The following CUL4A variants were observed in gnomAD, a reference collection of about 807,000 sequenced individuals.
The protein encoded by CUL4A is cullin 4A.
CUL4A carries 16 observed loss-of-function variants against 95.5 expected under a neutral mutation model. The observed-to-expected ratio is 0.17, with a 90% CI of 0.11 to 0.25. The LOEUF is 0.25. Ranked by LOEUF, CUL4A falls within the 10% of genes least tolerant of loss-of-function variation. The pLI, the probability that CUL4A is intolerant of heterozygous loss-of-function variation, is 1.00. For missense variants in CUL4A, 610 were observed against 937.0 expected (o/e 0.65, Z 4.56); for synonymous variants, 380 against 353.1 (o/e 1.08, Z -0.85).
intron 3 of CUL4A, among the ~76,000 whole-genome samples, chr13:113,220,551 T>G (rs2040859031): frequency 6.6e-6 from 1 of 152,192 alleles, no homozygotes; most frequent in Non-Finnish European, 1.5e-5. Flanking sequence ...GCGGCCTGAC[T>G]CCTAGGCTTG....
chr13:113,233,603 T>C (rs2041437515), intron 6 of CUL4A, among the ~76,000 whole-genome samples: 1 of 152,026 alleles, frequency 6.6e-6, no homozygotes, highest in South Asian at 2.1e-4. Context: ...TCATGGAAAA[T>C]ATAAACAGAG....
chr13:113,214,056 G>C (rs1450059995), intron 2 of CUL4A, among the ~76,000 whole-genome samples: 1 of 152,218 alleles, frequency 6.6e-6, no homozygotes, highest in African/African-American at 2.4e-5. Context: ...TATAGGTGGG[G>C]TGGTGTATAC....
Position 113,209,621 on chromosome 13 carries a change from C to T in CUL4A, c.-7C>T, listed in dbSNP as rs1355736823. The T allele has an allele frequency of 3.8e-6, 4 of 1,057,350 alleles. No individual in the cohort carries two copies. The highest frequency in any genetic ancestry group is 1.7e-5 in the African/African-American group (1 of 58,148). The allele number at this position is 1,057,350 out of a possible 1,614,324, so 65.5% of individuals were successfully genotyped here. ...TCGGGGCGGGGCGCGGCGGTTCCGG[C>T]CCAGCCATGGCGGACGAGGCCCCGC... On this transcript the variant is annotated 5_prime_UTR_variant, in exon 1 of 20. Transcript: ENST00000375440.
chr13:113,256,323 G>GCACTAACATTCCTC (rs2042119359), intron 18 of CUL4A, among the ~76,000 whole-genome samples: 2 of 152,190 alleles, frequency 1.3e-5, no homozygotes, highest in Non-Finnish European at 2.9e-5. Context: ...TCGGCCACAG[G>GCACTAACATTCCTC]CACTAACATT....
At chr13:113,208,640 C>CG (rs1174284746), upstream of CUL4A, 1 of 1,605,946 alleles carries the variant, frequency 6.2e-7, no homozygotes, top group Non-Finnish European at 8.5e-7. Flanking sequence ...GCCATGGGAG[C>CG]GCCGCCGAAC....
In CUL4A at chr13:113,244,426, A is replaced by C. The variant is rs370618224; in HGVS notation, c.1245A>C (p.Ser415=). Residue 415 remains serine, a synonymous_variant, in exon 12 of 20, where the codon TCA becomes TCC. Coordinates refer to ENST00000375440, the MANE Select transcript of CUL4A (RefSeq NM_001008895.4). The part of the protein sequence containing the change: ...PAELIAKHVD[S]KLRAGNKEAT... The stretch of plus-strand genomic sequence containing the variant: ...TGCTCACAGCAAAGCATGTGGATTC[A>C]AAGTTAAGAGCAGGCAACAAAGAAG... 6.2e-7 allele frequency: 1 copy of C among 1,613,406 alleles called. No individual in the cohort carries two copies. The highest frequency in any genetic ancestry group is 8.5e-7 in the Non-Finnish European group (1 of 1,179,644).
intron 15 of CUL4A, among the ~76,000 whole-genome samples, chr13:113,252,251 A>C (rs12869403): frequency 0.019 from 2,897 of 152,278 alleles, 45 homozygotes; most frequent in Non-Finnish European, 0.03. Context: ...GGAAAATGTA[A>C]GAAATTCACT....
At chr13:113,229,662 G>C in intron 5 of CUL4A, 143 bp downstream of exon 5, 1 of 676,978 alleles carries the variant, frequency 1.5e-6, no homozygotes, top group African/African-American at 1.8e-5. Flanking sequence ...TAACGTGAAC[G>C]TAGGAGTCCA....
At position 113,228,036 on chromosome 13, in the gene CUL4A, C is replaced by G. The variant is rs780743841; in HGVS notation, c.429C>G (p.Cys143Trp). ...KKINTCWQDH[C>W]RQMIMIRSIF... is the part of the protein sequence containing the mutation. ...TTAACACGTGCTGGCAGGACCACTG[C>G]AGACAAATGGTAAGCTTGTTCACTT... Residue 143 changes from cysteine to tryptophan, a missense_variant, in exon 4 of 20, where the codon TGC becomes TGG. Around this residue, in one of 10 missense-constraint regions of CUL4A, gnomAD observed 168 missense variants for 185.5 expected, o/e 0.91. Transcript: ENST00000375440. The G allele has an allele frequency of 6.2e-7, 1 of 1,612,286 alleles. No homozygotes were observed. Among genetic ancestry groups the G allele is most frequent in the Admixed American group, 1.7e-5 (1 of 60,014 alleles).
Position 113,266,501 on chromosome 13 carries a change from CA to C in CUL4A, c.*2920del, listed in dbSNP as rs2042397939. 1 of 152,214 alleles carries C rather than the reference CA, an allele frequency of 6.6e-6. No individual in the cohort carries two copies. The highest frequency in any genetic ancestry group is 1.5e-5 in the Non-Finnish European group (1 of 68,040). The allele number at this position is 152,214 out of a possible 1,614,324, so 9.4% of individuals were successfully genotyped here. A position where few individuals can be genotyped will look rare whatever the true frequency, so the allele number is the denominator to read the frequency against. Reference sequence around the variant, plus strand: ...TAAGATGTAAAACCTTCCTTTAAAACACAAGCGGATTCTAAAGTTAAAACAG... The same window carrying C: ...TAAGATGTAAAACCTTCCTTTAAAACCAAGCGGATTCTAAAGTTAAAACAG... On this transcript the variant is annotated 3_prime_UTR_variant, in exon 20 of 20. Transcript: ENST00000375440.
At chr13:113,208,734 C>T, upstream of CUL4A, 1 of 1,490,180 alleles carries the variant, frequency 6.7e-7, no homozygotes, top group Non-Finnish European at 9.0e-7. Flanking sequence ...GCGCCCCCGG[C>T]CCCGCCGCGG....
chr13:113,211,037 C>A, intron 2 of CUL4A, among the ~76,000 whole-genome samples: 1 of 152,222 alleles, frequency 6.6e-6, no homozygotes, highest in South Asian at 2.1e-4. Flanking sequence ...GTTACGTAAC[C>A]GGCACCACGG....
chr13:113,239,568 G>A lies in CUL4A; in HGVS notation c.1035+17G>A, dbSNP rs1378662000. 16 of 1,586,260 alleles carry A rather than the reference G, an allele frequency of 1.0e-5. No homozygotes were observed. Among genetic ancestry groups the A allele is most frequent in the African/African-American group, 1.3e-5 (1 of 74,174 alleles). On this transcript the variant is annotated intron_variant, in intron 10 of 19. Transcript: ENST00000375440. Reference sequence around the variant, plus strand: ...TACATCAAGGTACTGGCGGGGTTTTGAGGCCGCGGGCGTGGGCATTCCCTG... The same window carrying A: ...TACATCAAGGTACTGGCGGGGTTTTAAGGCCGCGGGCGTGGGCATTCCCTG...
chr13:113,208,482 C>A (rs2040122158), upstream of CUL4A: 11 of 1,536,868 alleles, frequency 7.2e-6, no homozygotes, highest in Admixed American at 5.9e-5. Context: ...GGGACCCGAA[C>A]GGAAGAAGGG....
At chr13:113,213,445 G>T (rs1258614396) in intron 2 of CUL4A, among the ~76,000 whole-genome samples, 2 of 151,352 alleles carry the variant, frequency 1.3e-5, no homozygotes, top group East Asian at 3.9e-4. Flanking sequence ...GTTATTTCAG[G>T]CAGAAAGTTA....
chr13:113,247,290 C>T (rs545779821), intron 15 of CUL4A, among the ~76,000 whole-genome samples: 2 of 152,130 alleles, frequency 1.3e-5, no homozygotes, highest in African/African-American at 2.4e-5. Context: ...AAACTCTTAT[C>T]AATGTGACTG....
chr13:113,260,211 A>AAAAAAAAAAAACAAAAC lies in CUL4A; in HGVS notation c.2032-388_2032-387insAAACAAAACAAAAAAAA, dbSNP rs1197388632. Among the ~76,000 whole-genome samples the AAAAAAAAAAAACAAAAC allele has an allele frequency of 1.7e-4, 20 of 119,526 alleles. 1 individual carries two copies. Among genetic ancestry groups the AAAAAAAAAAAACAAAAC allele is most frequent in the African/African-American group, 6.5e-4 (18 of 27,714 alleles). The allele number at this position is 119,526 out of a possible 152,430, so 78.4% of individuals were successfully genotyped here. A position where few individuals can be genotyped will look rare whatever the true frequency, so the allele number is the denominator to read the frequency against. ...AGAGTGAGACTCCGTCTCAAAAAAA[A>AAAAAAAAAAAACAAAAC]AAAAAAAACCATTTCCCATCAAATT... On this transcript the variant is annotated intron_variant, in intron 18 of 19. Coordinates refer to ENST00000375440, the MANE Select transcript of CUL4A (RefSeq NM_001008895.4).
intron 3 of CUL4A, among the ~76,000 whole-genome samples, chr13:113,222,274 TAAG>T (rs1322778558): frequency 8.6e-5 from 13 of 152,032 alleles, no homozygotes; most frequent in Non-Finnish European, 1.9e-4. Context: ...GTTATGTTGG[TAAG>T]AAGTTAGTGT....
chr13:113,263,335 G>A, intron 19 of CUL4A, 152 bp from the exon 20 acceptor site: 1 of 342,296 alleles, frequency 2.9e-6, no homozygotes, highest in Non-Finnish European at 5.3e-6. Context: ...TCATAAATAT[G>A]TGTATAATTA....
Sources: gnomAD v4.1 joint callset for allele counts (sites outside exome capture counted in the v4.1 genomes callset) on GRCh38, gnomAD v4.1.1 for gene constraint, gnomAD v4.1.1 regional missense constraint, MANE v1.5 for transcripts, NCBI Gene and HGNC (gene_info 2026-07-23, HGNC 2026-07-21) for gene names.